Variants in EP300 observed in about 807,000 individuals in gnomAD.
EP300 encodes histone acetyltransferase p300.
EP300 carries 31 observed loss-of-function variants against 264.0 expected under a neutral mutation model. The observed-to-expected ratio is 0.12, with a 90% CI of 0.09 to 0.16. The LOEUF (loss-of-function observed/expected upper bound fraction) is 0.16, where lower values mean the gene tolerates loss of function less well. Ranked by LOEUF, EP300 falls within the 10% of genes least tolerant of loss-of-function variation. The pLI, the probability that EP300 is intolerant of heterozygous loss-of-function variation, is 1.00. For synonymous variants in EP300, 1,340 were observed against 1,045.4 expected (o/e 1.28, Z -5.44); for missense variants, 2,766 against 3,052.9 (o/e 0.91, Z 2.21).
In EP300 at chr22:41,149,996, G is replaced by T; in HGVS notation, c.2615G>T (p.Gly872Val). The T allele has an allele frequency of 6.2e-7, 1 of 1,613,882 alleles. No individual in the cohort carries two copies. Among genetic ancestry groups the T allele is most frequent in the Non-Finnish European group, 8.5e-7 (1 of 1,179,976 alleles). The change falls in exon 14 of 31, where the codon GGG (glycine) becomes GTG (valine). Residue 872 changes from glycine (G) to valine (V), a missense_variant. Gly to Val is a moderately radical substitution (Grantham distance 109). Transcript: ENST00000263253. The part of the protein sequence containing the change: ...PVPTPPAMPP[G>V]PQSQALHPPP... ...CCTACACCTCCTGCCATGCCACCTG[G>T]GCCACAGTCCCAGGCTCTACATCCC...
intron 22 of EP300, among the ~76,000 whole-genome samples, chr22:41,164,638 C>T (rs1026841630): frequency 6.6e-6 from 1 of 152,172 alleles, no homozygotes; most frequent in Non-Finnish European, 1.5e-5. Flanking sequence ...TCACTTGAAC[C>T]TGTGAGGGGG....
At chr22:41,157,507 C>T (rs530158579) in intron 18 of EP300, 99 bp downstream of exon 18, 6 of 680,648 alleles carry the variant, frequency 8.8e-6, no homozygotes, top group East Asian at 3.2e-5. Flanking sequence ...CTGGCTTTGA[C>T]ATGGCTTTTT....
intron 10 of EP300, among the ~76,000 whole-genome samples, chr22:41,142,236 G>A (rs1701960602): frequency 6.6e-6 from 1 of 152,176 alleles, no homozygotes; most frequent in Admixed American, 6.5e-5. Flanking sequence ...TGACCTCTAA[G>A]AAGTGCCAAC....
rs1840765647 is a variant in EP300 at position 41,178,097 on chromosome 22, C to T, written c.6386C>T (p.Ala2129Val). ...PGQQGVHSNP[A>V]MQNMNPMQAG... ...CAGCAGGGGGTCCACTCCAATCCAG[C>T]CATGCAGAACATGAATCCAATGCAG... The change falls in exon 31 of 31, where the codon GCC becomes GTC. Residue 2129 changes from alanine (A) to valine (V), a missense_variant. Physicochemically the swap from Ala to Val is moderately conservative, Grantham distance 64 (BLOSUM62 0). Transcript: ENST00000263253. 1.9e-6 allele frequency: 3 copies of T among 1,614,122 alleles called. No homozygotes were observed. The highest frequency in any genetic ancestry group is 2.5e-6 in the Non-Finnish European group (3 of 1,180,006).
At chr22:41,165,613 G>A (rs987248475) in intron 22 of EP300, among the ~76,000 whole-genome samples, 1 of 152,072 alleles carries the variant, frequency 6.6e-6, no homozygotes, top group African/African-American at 2.4e-5. Context: ...GGTAGAGACA[G>A]GGTTTCATCA....
In EP300 at chr22:41,178,971, AT is replaced by A; in HGVS notation, c.*19del. 6.8e-7 allele frequency: 1 copy of A among 1,469,970 alleles called. No homozygotes were observed. The highest frequency in any genetic ancestry group is 9.4e-7 in the Non-Finnish European group (1 of 1,068,246). 91.1% of individuals were successfully genotyped at this position (1,469,970 alleles called of 1,614,324 possible). A position where few individuals can be genotyped will look rare whatever the true frequency, so the allele number is the denominator to read the frequency against. On this transcript the variant is annotated 3_prime_UTR_variant, in exon 31 of 31. Coordinates refer to ENST00000263253, the MANE Select transcript of EP300 (RefSeq NM_001429.4). ...ACATACACTAGAGACACCTTGTAGT[AT>A]TTTGGGAGCAAAAAAATTATTTTCT...
intron 8 of EP300, 53 bp from the exon 9 acceptor site, chr22:41,140,087 A>G (rs2058973165): frequency 1.5e-6 from 2 of 1,309,622 alleles, no homozygotes; most frequent in Admixed American, 1.7e-5. Flanking sequence ...AATCAGAAAA[A>G]TACTAATTAA....
intron 18 of EP300, among the ~76,000 whole-genome samples, chr22:41,158,089 C>G (rs2059087570): frequency 6.6e-6 from 1 of 152,180 alleles, no homozygotes; most frequent in Non-Finnish European, 1.5e-5. Context: ...TGCTGTGTTG[C>G]CTAAGCTGGT....
intron 4 of EP300, among the ~76,000 whole-genome samples, chr22:41,128,481 A>G (rs1202223697): frequency 1.3e-5 from 2 of 152,030 alleles, no homozygotes; most frequent in East Asian, 3.9e-4. Context: ...CAGTGTACAT[A>G]TGTGTAATTT....
At chr22:41,133,571 C>T (rs919337420) in intron 6 of EP300, among the ~76,000 whole-genome samples, 2 of 152,104 alleles carry the variant, frequency 1.3e-5, no homozygotes, top group African/African-American at 4.8e-5. Context: ...TTGAGAATCC[C>T]AAATCCAAAA....
intron 4 of EP300, among the ~76,000 whole-genome samples, chr22:41,127,961 G>A (rs2058892596): frequency 6.6e-6 from 1 of 152,200 alleles, no homozygotes; most frequent in African/African-American, 2.4e-5. Context: ...GCCAAATGGG[G>A]AGGATTGCTT....
chr22:41,157,396 T>C lies in EP300; in HGVS notation c.3489T>C (p.Cys1163=). The change falls in exon 18 of 31, where the codon TGT becomes TGC. Residue 1163 remains cysteine, a synonymous_variant. Coordinates refer to ENST00000263253, the MANE Select transcript of EP300 (RefSeq NM_001429.4). ...IDPVMQSLGY[C]CGRKLEFSPQ... ...CAGTGATGCAAAGCCTTGGATACTG[T>C]TGTGGCAGAAAGGTAAGAAATGTGT... is the stretch of plus-strand genomic sequence containing the variant. 1.2e-6 allele frequency: 2 copies of C among 1,614,076 alleles called. No individual in the cohort carries two copies.
At chr22:41,169,921 C>T (rs1454449870) in intron 26 of EP300, among the ~76,000 whole-genome samples, 1 of 152,172 alleles carries the variant, frequency 6.6e-6, no homozygotes, top group Non-Finnish European at 1.5e-5. Flanking sequence ...TGCATTTGAT[C>T]CTTTTACAAC....
chr22:41,099,002 CTG>C (rs1235712492), intron 1 of EP300, among the ~76,000 whole-genome samples: 1 of 152,188 alleles, frequency 6.6e-6, no homozygotes, highest in African/African-American at 2.4e-5. Flanking sequence ...TCATTGTTAA[CTG>C]TTTTTAACTT....
intron 18 of EP300, among the ~76,000 whole-genome samples, chr22:41,158,163 C>G (rs1174904965): frequency 1.3e-5 from 2 of 152,210 alleles, no homozygotes; most frequent in Non-Finnish European, 2.9e-5. Context: ...GCATGTGCCA[C>G]CCTGCCCAGC....
At chr22:41,161,899 C>T (rs1434844313) in intron 20 of EP300, among the ~76,000 whole-genome samples, 1 of 152,110 alleles carries the variant, frequency 6.6e-6, no homozygotes, top group Non-Finnish European at 1.5e-5. Context: ...AGCCTTTGAT[C>T]CTTGAAACAT....
chr22:41,099,759 T>A (rs2058721036), intron 1 of EP300, among the ~76,000 whole-genome samples: 1 of 152,212 alleles, frequency 6.6e-6, no homozygotes, highest in African/African-American at 2.4e-5. Context: ...AAATAAGGGT[T>A]ACTTAAAACT....
At chr22:41,141,603 A>G (rs559526630) in intron 10 of EP300, among the ~76,000 whole-genome samples, 76 of 152,236 alleles carry the variant, frequency 5.0e-4, no homozygotes, top group Admixed American at 1.0e-3. Flanking sequence ...TGTAACACAC[A>G]TAATATCATA....
Position 41,179,091 on chromosome 22 carries a change from G to A in EP300, c.*135G>A. The stretch of plus-strand genomic sequence containing the variant: ...TGGAACACATAAGAACTGTGCAGTA[G>A]CCGTTTGTGGTTTAAAGCAAACATG... On this transcript the variant is annotated 3_prime_UTR_variant, in exon 31 of 31. Transcript: ENST00000263253. 2.0e-6 allele frequency: 2 copies of A among 987,924 alleles called. No individual in the cohort carries two copies. Among genetic ancestry groups the A allele is most frequent in the South Asian group, 3.1e-5 (2 of 63,676 alleles). 61.2% of individuals were successfully genotyped at this position (987,924 alleles called of 1,614,324 possible). A position where few individuals can be genotyped will look rare whatever the true frequency, so the allele number is the denominator to read the frequency against.
Sources: allele counts gnomAD v4.1 joint callset (sites outside exome capture counted in the v4.1 genomes callset), GRCh38; gene constraint gnomAD v4.1.1; transcripts MANE v1.5; gene names NCBI Gene and HGNC (gene_info 2026-07-23, HGNC 2026-07-21).